Variants in MTMR3 observed in about 807,000 individuals in gnomAD.
MTMR3 encodes phosphatidylinositol-3,5-bisphosphate 3-phosphatase MTMR3.
In MTMR3, 32 loss-of-function variants were observed where a neutral mutation model predicts 132.4. The ratio of observed to expected loss-of-function variants is 0.24; its 90% CI spans 0.18 to 0.32. MTMR3 has a LOEUF of 0.32. Ranked by LOEUF, MTMR3 falls within the 10% of genes least tolerant of loss-of-function variation. The pLI is 1.00. For synonymous variants in MTMR3, 556 were observed against 550.3 expected (o/e 1.01, Z -0.14); for missense variants, 1,216 against 1,489.6 (o/e 0.82, Z 3.02).
chr22:29,929,714 G>A (rs1180222941), intron 1 of MTMR3, among the ~76,000 whole-genome samples: 7 of 151,956 alleles, frequency 4.6e-5, no homozygotes, highest in Non-Finnish European at 8.8e-5. Flanking sequence ...GGGTTTCACC[G>A]TGTTAGTCAG....
At chr22:29,913,286 C>G (rs2065248826) in intron 1 of MTMR3, among the ~76,000 whole-genome samples, 1 of 152,120 alleles carries the variant, frequency 6.6e-6, no homozygotes, top group Non-Finnish European at 1.5e-5. Flanking sequence ...TTATACAGAT[C>G]TTCTTAATCA....
At chr22:29,912,374 C>T (rs923825152) in intron 1 of MTMR3, among the ~76,000 whole-genome samples, 1 of 152,178 alleles carries the variant, frequency 6.6e-6, no homozygotes, top group Non-Finnish European at 1.5e-5. Context: ...ACTGCTGCCT[C>T]AAACTCCTGG....
chr22:29,935,494 G>A (rs1602508528), intron 1 of MTMR3, among the ~76,000 whole-genome samples: 1 of 152,180 alleles, frequency 6.6e-6, no homozygotes, highest in African/African-American at 2.4e-5. Flanking sequence ...TTACACACTA[G>A]TATTCCTTTT....
At chr22:29,906,268 CTGTCTGTCTGT>C (rs2065095764) in intron 1 of MTMR3, among the ~76,000 whole-genome samples, 1 of 100,462 alleles carries the variant, frequency 1.0e-5, no homozygotes, top group African/African-American at 4.9e-5. Context: ...GTCTGTCTGT[CTGTCTGTCTGT>C]CTGTCTGTCT....
In MTMR3 at chr22:30,020,793, T is replaced by C; in HGVS notation, c.3134T>C (p.Leu1045Ser). Reference sequence around the variant, plus strand: ...GGCCACCAGCAGGAAGTAGAAACTTTGAAGAAACAAGTCCAGGAGCTGAAG... The same window carrying C: ...GGCCACCAGCAGGAAGTAGAAACTTCGAAGAAACAAGTCCAGGAGCTGAAG... ...ESGHQQEVETLKKQVQELKSR... is the reference protein window; with the variant it reads ...ESGHQQEVETSKKQVQELKSR... The change falls in exon 17 of 20, where the codon TTG becomes TCG. Residue 1045 changes from leucine to serine, a missense_variant. By Grantham distance (145) the Leu-to-Ser change is moderately radical (BLOSUM62 -2). Around this residue, in one of 7 missense-constraint regions of MTMR3, gnomAD observed 852 missense variants for 852.0 expected, o/e 1.00. Transcript: ENST00000401950. The C allele has an allele frequency of 6.2e-7, 1 of 1,613,846 alleles. No individual in the cohort carries two copies. Among genetic ancestry groups the C allele is most frequent in the Non-Finnish European group, 8.5e-7 (1 of 1,179,894 alleles).
At chr22:29,951,706 C>T (rs970923238) in intron 1 of MTMR3, among the ~76,000 whole-genome samples, 1 of 152,072 alleles carries the variant, frequency 6.6e-6, no homozygotes, top group Non-Finnish European at 1.5e-5. Flanking sequence ...AGAACCTTTC[C>T]CACATTAAAA....
At chr22:29,945,699 C>G (rs1178635521) in intron 1 of MTMR3, among the ~76,000 whole-genome samples, 1 of 138,654 alleles carries the variant, frequency 7.2e-6, no homozygotes, top group Non-Finnish European at 1.5e-5. Flanking sequence ...AGTGAGACTC[C>G]AGTCTTTAAA....
At chr22:29,973,810 G>A (rs2145876764) in intron 3 of MTMR3, among the ~76,000 whole-genome samples, 1 of 152,180 alleles carries the variant, frequency 6.6e-6, no homozygotes, top group East Asian at 1.9e-4. Context: ...TGTTGGTCAG[G>A]CTGGTCTCGA....
chr22:29,932,568 G>A lies in MTMR3; in HGVS notation c.-137-24468G>A, dbSNP rs750156502. On this transcript the variant is annotated intron_variant, in intron 1 of 19. Transcript: ENST00000401950. ...TAGTATCATTCAGAGATAGTCTTAT[G>A]CAGCATTCCTCATGGTCAGAGTACT... Among the ~76,000 whole-genome samples the A allele has an allele frequency of 5.5e-4, 84 of 152,118 alleles. 1 individual carries two copies. The highest frequency in any genetic ancestry group is 1.1e-3 in the Non-Finnish European group (73 of 68,016).
At chr22:29,896,016 T>A (rs1241269846) in intron 1 of MTMR3, among the ~76,000 whole-genome samples, 1 of 152,038 alleles carries the variant, frequency 6.6e-6, no homozygotes, top group Non-Finnish European at 1.5e-5. Context: ...TTATCAAGCT[T>A]TTTCACCTTT....
chr22:29,918,054 G>A (rs2065341703), intron 1 of MTMR3, among the ~76,000 whole-genome samples: 1 of 152,170 alleles, frequency 6.6e-6, no homozygotes, highest in African/African-American at 2.4e-5. Flanking sequence ...AATGCAGTGA[G>A]TTTAAGTGTT....
intron 1 of MTMR3, among the ~76,000 whole-genome samples, chr22:29,922,165 T>A (rs930635651): frequency 5.3e-5 from 8 of 152,138 alleles, no homozygotes; most frequent in African/African-American, 1.9e-4. Context: ...TAGCTGGGAT[T>A]ACAGGCACCC....
rs1292009222 is a variant in MTMR3 at position 30,027,397 on chromosome 22, C to T, written c.*1596C>T. ...TTAAGGCGTGGCCCAGAAGGCTTCC[C>T]TGGTGCTCTCAGTCCAGGCAAAGCC... is the stretch of plus-strand genomic sequence containing the variant. On this transcript the variant is annotated 3_prime_UTR_variant, in exon 20 of 20. Coordinates refer to ENST00000401950, the MANE Select transcript of MTMR3 (RefSeq NM_021090.4). 1 of 152,800 alleles carries T rather than the reference C, an allele frequency of 6.5e-6. No homozygotes were observed. Among genetic ancestry groups the T allele is most frequent in the Non-Finnish European group, 1.5e-5 (1 of 68,056 alleles). The allele number at this position is 152,800 out of a possible 1,614,324, so 9.5% of individuals were successfully genotyped here. A position where few individuals can be genotyped will look rare whatever the true frequency, so the allele number is the denominator to read the frequency against.
At chr22:29,965,428 T>G (rs2066394862) in intron 2 of MTMR3, among the ~76,000 whole-genome samples, 2 of 152,202 alleles carry the variant, frequency 1.3e-5, no homozygotes, top group Non-Finnish European at 2.9e-5. Flanking sequence ...CCAGGTGTGG[T>G]GGCTCACACA....
rs773098171 is a variant in MTMR3 at position 30,025,779 on chromosome 22, C to A, written c.3575C>A (p.Pro1192His). The A allele has an allele frequency of 2.2e-5, 36 of 1,613,946 alleles. No individual in the cohort carries two copies. Among genetic ancestry groups the A allele is most frequent in the Admixed American group, 3.3e-5 (2 of 60,002 alleles). Residue 1192 changes from proline to histidine, a missense_variant, in exon 20 of 20, where the codon CCC becomes CAC. Physicochemically the swap from Pro to His is moderately conservative, Grantham distance 77. Coordinates refer to ENST00000401950, the MANE Select transcript of MTMR3 (RefSeq NM_021090.4). ...SSSIDLELDK[P>H]IAATSN is the part of the protein sequence containing the mutation. ...AGCATTGACCTTGAACTGGATAAGC[C>A]CATTGCTGCCACTTCCAACTGAAGC...
intron 1 of MTMR3, among the ~76,000 whole-genome samples, chr22:29,884,819 C>T (rs1279719596): frequency 6.6e-6 from 1 of 152,148 alleles, no homozygotes; most frequent in African/African-American, 2.4e-5. Context: ...TTGCGTTGGC[C>T]TTCGAAAGTG....
At chr22:29,991,343 T>C (rs2145909285) in intron 6 of MTMR3, 161 bp from the exon 7 acceptor site, 1 of 583,592 alleles carries the variant, frequency 1.7e-6, no homozygotes, top group East Asian at 3.3e-5. Flanking sequence ...TTGTTTTTCT[T>C]ATAAGTGATA....
At chr22:29,933,336 A>T (rs1472419796) in intron 1 of MTMR3, among the ~76,000 whole-genome samples, 1 of 151,432 alleles carries the variant, frequency 6.6e-6, no homozygotes, top group African/African-American at 2.4e-5. Context: ...ATGTTATTTT[A>T]TATAACCACA....
At chr22:29,940,591 T>C (rs1602520641) in intron 1 of MTMR3, among the ~76,000 whole-genome samples, 1 of 149,758 alleles carries the variant, frequency 6.7e-6, no homozygotes, top group African/African-American at 2.5e-5. Context: ...TCCTCCTGAA[T>C]AGGAAAAATC....
Sources: gnomAD v4.1 joint callset for allele counts (sites outside exome capture counted in the v4.1 genomes callset) on GRCh38, gnomAD v4.1.1 for gene constraint, gnomAD v4.1.1 regional missense constraint, MANE v1.5 for transcripts, NCBI Gene and HGNC (gene_info 2026-07-23, HGNC 2026-07-21) for gene names.